FBXL13: variants seen among roughly 807,000 people sequenced by gnomAD.
FBXL13 encodes the protein F-box and leucine-rich repeat protein 13.
FBXL13 carries 67 observed loss-of-function variants against 83.6 expected under a neutral mutation model. The ratio of observed to expected loss-of-function variants is 0.80; its 90% CI spans 0.66 to 0.98. FBXL13 has a LOEUF of 0.98. Among genes scored for constraint, FBXL13 ranks in the 50% least tolerant of loss-of-function variants. The pLI, the probability that FBXL13 is intolerant of heterozygous loss-of-function variation, is 0.00. For synonymous variants in FBXL13, 272 were observed against 299.5 expected (o/e 0.91, Z 0.95); for missense variants, 822 against 866.5 (o/e 0.95, Z 0.64).
intron 2 of FBXL13, among the ~76,000 whole-genome samples, chr7:103,032,866 C>A (rs914554664): frequency 6.6e-6 from 1 of 152,098 alleles, no homozygotes; most frequent in African/African-American, 2.4e-5. Context: ...CTTGTCTCTG[C>A]TAAAAATAAA....
At chr7:102,834,032 T>TGAAGGAAGGAAGGAAG (rs199540401) in intron 17 of FBXL13, among the ~76,000 whole-genome samples, 116 of 75,454 alleles carry the variant, frequency 1.5e-3, no homozygotes, top group East Asian at 2.0e-3. Context: ...GAAACCATGA[T>TGAAGGAAGGAAGGAAG]GAAGGAAGGA....
chr7:102,845,139 G>T (rs28594907), intron 17 of FBXL13, among the ~76,000 whole-genome samples: 2,748 of 152,142 alleles, frequency 0.018, 99 homozygotes, highest in African/African-American at 0.062. Flanking sequence ...TCAATCTCCA[G>T]CCCCTCTCCC....
chr7:102,912,894 G>C, intron 11 of FBXL13, 192 bp downstream of exon 12: 2 of 635,038 alleles, frequency 3.1e-6, no homozygotes, highest in Non-Finnish European at 5.1e-6. Flanking sequence ...TGACACTCCA[G>C]TGGAAGGAAG....
At chr7:102,878,875 A>G (rs2129458265) in intron 14 of FBXL13, among the ~76,000 whole-genome samples, 1 of 152,290 alleles carries the variant, frequency 6.6e-6, no homozygotes, top group Non-Finnish European at 1.5e-5. Flanking sequence ...ATACAAGGTC[A>G]ATTTGCTGGA....
At chr7:102,958,551 AT>A in intron 8 of FBXL13, among the ~76,000 whole-genome samples, 2 of 148,758 alleles carry the variant, frequency 1.3e-5, no homozygotes, top group Non-Finnish European at 3.0e-5. Context: ...AATAATAATA[AT>A]AATAATAATA....
intron 8 of FBXL13, among the ~76,000 whole-genome samples, chr7:102,954,614 C>G (rs1207109211): frequency 6.6e-6 from 1 of 152,176 alleles, no homozygotes; most frequent in Non-Finnish European, 1.5e-5. Flanking sequence ...GATAAAGAGT[C>G]AAGACCCATC....
intron 6 of FBXL13, among the ~76,000 whole-genome samples, chr7:102,985,411 G>C (rs909215296): frequency 6.6e-6 from 1 of 152,164 alleles, no homozygotes; most frequent in Non-Finnish European, 1.5e-5. Context: ...CACAATAAAA[G>C]ATATTGTGGG....
At chr7:102,962,775 T>C (rs1367128372) in intron 8 of FBXL13, among the ~76,000 whole-genome samples, 1 of 139,990 alleles carries the variant, frequency 7.1e-6, no homozygotes, top group African/African-American at 2.7e-5. Flanking sequence ...AGGTGGGAAC[T>C]GAACAATGAG....
chr7:102,858,686 C>G (rs1238926241), intron 16 of FBXL13, among the ~76,000 whole-genome samples: 1 of 152,180 alleles, frequency 6.6e-6, no homozygotes, highest in Non-Finnish European at 1.5e-5. Context: ...ATGCATGCTA[C>G]TATATGAACG....
At chr7:102,867,672 T>C (rs1359998618) in intron 16 of FBXL13, among the ~76,000 whole-genome samples, 1 of 70,174 alleles carries the variant, frequency 1.4e-5, no homozygotes, top group South Asian at 5.3e-4. Flanking sequence ...CTTAGACATA[T>C]ATATATATAT....
At chr7:103,050,598 G>A (rs1796706915) in intron 2 of FBXL13, among the ~76,000 whole-genome samples, 1 of 152,126 alleles carries the variant, frequency 6.6e-6, no homozygotes, top group Admixed American at 6.5e-5. Flanking sequence ...CTGAGTAACA[G>A]AAAAGATAGG....
intron 6 of FBXL13, among the ~76,000 whole-genome samples, chr7:103,017,122 C>T (rs540704634): frequency 8.2e-3 from 1,139 of 138,188 alleles, no homozygotes; most frequent in East Asian, 0.026. Context: ...CCCTCTGAGA[C>T]GAAGCTTCCA....
intron 16 of FBXL13, among the ~76,000 whole-genome samples, chr7:102,863,581 C>T (rs1355461446): frequency 6.6e-6 from 1 of 152,042 alleles, no homozygotes; most frequent in Admixed American, 6.6e-5. Flanking sequence ...TTTGAACACA[C>T]TGAATTCCTA....
chr7:102,975,893 G>T, intron 6 of FBXL13: 1 of 749,648 alleles, frequency 1.3e-6, no homozygotes, highest in East Asian at 2.4e-5. Context: ...TCCATCAGGG[G>T]CCCTGCAGGC....
chr7:103,050,903 A>G (rs936938111), intron 2 of FBXL13, among the ~76,000 whole-genome samples: 1 of 152,218 alleles, frequency 6.6e-6, no homozygotes, highest in Non-Finnish European at 1.5e-5. Flanking sequence ...TTAACATCCC[A>G]TAGCGCCAAA....
At chr7:102,854,986 G>T (rs893087885) in intron 16 of FBXL13, 126 bp from the exon 18 acceptor site, 5 of 529,782 alleles carry the variant, frequency 9.4e-6, no homozygotes, top group African/African-American at 2.0e-5. Flanking sequence ...AATTTTAGTT[G>T]CTGTCATATT....
intron 6 of FBXL13, chr7:102,973,375 C>T (rs564267172): frequency 5.9e-6 from 4 of 676,648 alleles, no homozygotes; most frequent in South Asian, 4.5e-5. Context: ...CCGGAAGACA[C>T]GTACCCCTGA....
chr7:102,843,755 G>A (rs1363704462), intron 17 of FBXL13, among the ~76,000 whole-genome samples: 11 of 152,130 alleles, frequency 7.2e-5, no homozygotes, highest in Non-Finnish European at 1.5e-5. Flanking sequence ...CAGCCTGGGC[G>A]ACAGAGCGAG....
chr7:102,832,924 G>A lies in FBXL13; in HGVS notation c.1770C>T (p.Cys590=), dbSNP rs747365675. 3 of 1,614,234 alleles carry A rather than the reference G, an allele frequency of 1.9e-6. No homozygotes were observed. The South Asian group carries it at 3.3e-5, about 18-fold the overall frequency. Residue 590 remains cysteine, a synonymous_variant, in exon 18 of 20, where the codon TGC becomes TGT. Transcript: ENST00000313221. ...TGATAATCATATCTGACAGCTGGGA[G>A]CAATAAGAGACATCCAAATGTTCCA...
Sources: gnomAD v4.1 joint callset for allele counts (sites outside exome capture counted in the v4.1 genomes callset) on GRCh38, gnomAD v4.1.1 for gene constraint, MANE v1.5 for transcripts, NCBI Gene and HGNC (gene_info 2026-07-23, HGNC 2026-07-21) for gene names.